L3MBTL3: variants seen among roughly 807,000 people sequenced by gnomAD.
L3MBTL3 encodes lethal(3)malignant brain tumor-like protein 3.
In L3MBTL3, 27 loss-of-function variants were observed where a neutral mutation model predicts 102.3. That is an observed-to-expected ratio of 0.26 (90% confidence interval 0.19 to 0.36). The LOEUF (loss-of-function observed/expected upper bound fraction) is 0.36, where lower values mean the gene tolerates loss of function less well. Ranked by LOEUF, L3MBTL3 falls within the 10% of genes least tolerant of loss-of-function variation. The probability of loss-of-function intolerance (pLI) is 1.00; values close to 1 mark genes in which losing one functional copy is unlikely to be tolerated. For missense variants in L3MBTL3, 798 were observed against 955.3 expected (o/e 0.84, Z 2.17); for synonymous variants, 340 against 320.9 (o/e 1.06, Z -0.64).
At chr6:130,086,730 A>G (rs1207899374) in intron 16 of L3MBTL3, among the ~76,000 whole-genome samples, 1 of 152,192 alleles carries the variant, frequency 6.6e-6, no homozygotes, top group Non-Finnish European at 1.5e-5. Flanking sequence ...AAGTAAGCAA[A>G]TGTTTAGGGA....
chr6:130,023,827 ATG>A (rs565306581), intron 2 of L3MBTL3, among the ~76,000 whole-genome samples: 137 of 152,242 alleles, frequency 9.0e-4, no homozygotes, highest in African/African-American at 3.0e-3. Context: ...TTGGTTTCTG[ATG>A]TGTGTATTGT....
At chr6:130,116,777 G>A (rs1033518368) in intron 19 of L3MBTL3, among the ~76,000 whole-genome samples, 11 of 151,692 alleles carry the variant, frequency 7.3e-5, no homozygotes, top group African/African-American at 2.2e-4. Flanking sequence ...GCACACTTGC[G>A]CCTAAGCAGC....
chr6:130,035,745 C>G lies in L3MBTL3; in HGVS notation c.-15-6940C>G, dbSNP rs559036289. On this transcript the variant is annotated intron_variant, in intron 2 of 22. Transcript: ENST00000361794. Reference sequence around the variant, plus strand: ...GAAGCATTTGGTGGACATCTGAACCCCAAACTTACCTCTTATGACATTAGT... The same window carrying G: ...GAAGCATTTGGTGGACATCTGAACCGCAAACTTACCTCTTATGACATTAGT... Among the ~76,000 whole-genome samples the G allele has an allele frequency of 5.3e-5, 8 of 152,232 alleles. No homozygotes were observed. In the East Asian group the frequency reaches 9.7e-4, roughly 18 times the overall value.
At chr6:130,066,317 TA>T (rs753527654) in intron 10 of L3MBTL3, 35 bp from the exon 11 acceptor site, 234 of 1,236,400 alleles carry the variant, frequency 1.9e-4, no homozygotes, top group Middle Eastern at 6.7e-4. Flanking sequence ...TATTCTGAGT[TA>T]AAAAAAATAA....
At chr6:130,048,806 A>G (rs550602691) in intron 3 of L3MBTL3, among the ~76,000 whole-genome samples, 124 of 152,340 alleles carry the variant, frequency 8.1e-4, no homozygotes, top group Middle Eastern at 3.4e-3. Flanking sequence ...TTTCTGGCAT[A>G]GGGATATTCC....
At chr6:130,055,083 A>G in intron 7 of L3MBTL3, 88 bp from the exon 8 acceptor site, 1 of 918,798 alleles carries the variant, frequency 1.1e-6, no homozygotes, top group Non-Finnish European at 1.8e-6. Context: ...AAAGAACAAC[A>G]GAAAAAGTGC....
chr6:130,038,214 A>G (rs988795837), intron 2 of L3MBTL3, among the ~76,000 whole-genome samples: 2 of 152,164 alleles, frequency 1.3e-5, no homozygotes, highest in Admixed American at 6.6e-5. Flanking sequence ...GCTCTCAAGA[A>G]TAGTGCTGCA....
chr6:130,039,657 A>G (rs183541336), intron 2 of L3MBTL3, among the ~76,000 whole-genome samples: 2 of 152,032 alleles, frequency 1.3e-5, no homozygotes, highest in East Asian at 3.9e-4. Flanking sequence ...AAATAACAGT[A>G]AAACCAGTAC....
chr6:130,068,741 T>C (rs888498362), intron 12 of L3MBTL3, among the ~76,000 whole-genome samples: 5 of 152,218 alleles, frequency 3.3e-5, no homozygotes, highest in African/African-American at 1.2e-4. Context: ...ATGGGAGTGC[T>C]GTTCAAATGG....
intron 20 of L3MBTL3, among the ~76,000 whole-genome samples, chr6:130,130,991 A>T (rs1478385218): frequency 6.6e-6 from 1 of 152,240 alleles, no homozygotes; most frequent in African/African-American, 2.4e-5. Flanking sequence ...CACTTATAAC[A>T]GCCTCAGGAA....
At chr6:130,137,012 CA>C (rs200287132) in intron 22 of L3MBTL3, among the ~76,000 whole-genome samples, 4,024 of 152,262 alleles carry the variant, frequency 0.026, 193 homozygotes, top group African/African-American at 0.092. Flanking sequence ...GTAAATTCCA[CA>C]AAAAGTTTTT....
chr6:130,130,227 G>A (rs543481710), intron 20 of L3MBTL3, among the ~76,000 whole-genome samples: 1 of 152,278 alleles, frequency 6.6e-6, no homozygotes, highest in South Asian at 2.1e-4. Flanking sequence ...GGAACAATGT[G>A]CGGAACATTA....
intron 22 of L3MBTL3, among the ~76,000 whole-genome samples, chr6:130,135,144 C>T (rs1787503713): frequency 6.6e-6 from 1 of 150,612 alleles, no homozygotes. Context: ...TCACTGCAAC[C>T]TCCGCCTCCT....
intron 19 of L3MBTL3, among the ~76,000 whole-genome samples, chr6:130,115,249 C>T (rs980659602): frequency 6.6e-6 from 1 of 152,142 alleles, no homozygotes. Flanking sequence ...CCAAGCCAAA[C>T]TAAGGAGTGA....
intron 20 of L3MBTL3, among the ~76,000 whole-genome samples, chr6:130,123,913 A>G (rs1378080885): frequency 1.3e-5 from 2 of 152,178 alleles, no homozygotes; most frequent in South Asian, 2.1e-4. Flanking sequence ...AGTTCTTAAT[A>G]GAGCCCTGGC....
At chr6:130,072,660 C>T (rs1235092032) in intron 13 of L3MBTL3, among the ~76,000 whole-genome samples, 1 of 152,184 alleles carries the variant, frequency 6.6e-6, no homozygotes, top group Non-Finnish European at 1.5e-5. Context: ...TATGTTTCCT[C>T]TGTATTCCTA....
chr6:130,130,914 A>T (rs1282025400), intron 20 of L3MBTL3, among the ~76,000 whole-genome samples: 3 of 152,250 alleles, frequency 2.0e-5, no homozygotes, highest in Admixed American at 1.3e-4. Flanking sequence ...GGATTAGGCT[A>T]GTTTAAGAAT....
rs1426008693 is a variant in L3MBTL3, at chr6:130,055,261, C to G, written c.667+6C>G. 1 of 1,604,404 alleles carries G rather than the reference C, an allele frequency of 6.2e-7. No homozygotes were observed. The highest frequency in any genetic ancestry group is 8.5e-7 in the Non-Finnish European group (1 of 1,174,992). Reference sequence around the variant, plus strand: ...TTCGGCTGTACTAAAGCAGGGTGAGCTGATGAAAATAAAGTCTTACTTGTA... The same window carrying G: ...TTCGGCTGTACTAAAGCAGGGTGAGGTGATGAAAATAAAGTCTTACTTGTA... On this transcript the variant is annotated splice_donor_region_variant and intron_variant, in intron 8 of 22. Transcript: ENST00000361794.
chr6:130,125,511 C>T (rs961901902), intron 20 of L3MBTL3, among the ~76,000 whole-genome samples: 10 of 152,148 alleles, frequency 6.6e-5, no homozygotes, highest in Admixed American at 5.9e-4. Flanking sequence ...ATCATTTTTG[C>T]GTCCCGAGAA....
Sources: allele counts gnomAD v4.1 joint callset (sites outside exome capture counted in the v4.1 genomes callset), GRCh38; gene constraint gnomAD v4.1.1; transcripts MANE v1.5; gene names NCBI Gene and HGNC (gene_info 2026-07-23, HGNC 2026-07-21).